AP3B1: variants seen among roughly 807,000 people sequenced by gnomAD.
AP3B1 encodes adaptor related protein complex 3 subunit beta 1.
Under a neutral mutation model 132.5 loss-of-function variants are expected in AP3B1, and 61 were observed. The ratio of observed to expected loss-of-function variants is 0.46; its 90% CI spans 0.37 to 0.57. The LOEUF (loss-of-function observed/expected upper bound fraction) is 0.57. AP3B1 is among the 20% of genes least tolerant of loss of function. AP3B1 has a pLI of 0.00. For synonymous variants in AP3B1, 388 were observed against 438.3 expected (o/e 0.89, Z 1.43); for missense variants, 1,120 against 1,289.4 (o/e 0.87, Z 2.01).
At chr5:78,015,953 A>T (rs982770857) in intron 25 of AP3B1, 1 of 222,054 alleles carries the variant, frequency 4.5e-6, no homozygotes, top group Non-Finnish European at 8.9e-6. Flanking sequence ...TCATTCAAAG[A>T]TCTCTCATTG....
At chr5:78,067,854 T>A (rs1749357080) in intron 22 of AP3B1, among the ~76,000 whole-genome samples, 1 of 149,752 alleles carries the variant, frequency 6.7e-6, no homozygotes, top group African/African-American at 2.5e-5. Flanking sequence ...CTAAAAGAAC[T>A]AGAGAACCAA....
chr5:78,212,247 C>T (rs1203610569), intron 7 of AP3B1, among the ~76,000 whole-genome samples: 4 of 152,108 alleles, frequency 2.6e-5, no homozygotes, highest in Non-Finnish European at 5.9e-5. Context: ...CACCACTGCA[C>T]CCCAGCCTGG....
At chr5:78,222,576 A>G (rs945831685) in intron 6 of AP3B1, 1 of 152,302 alleles carries the variant, frequency 6.6e-6, no homozygotes, top group Non-Finnish European at 1.5e-5. Context: ...AGAACTTGTT[A>G]CATGTTACTA....
intron 2 of AP3B1, among the ~76,000 whole-genome samples, chr5:78,243,670 G>C (rs902037926): frequency 9.2e-5 from 14 of 152,162 alleles, no homozygotes; most frequent in Admixed American, 7.2e-4. Flanking sequence ...GTCAGAAAAG[G>C]CCTTCCTTTT....
At chr5:78,094,786 T>G (rs1028036396) in intron 21 of AP3B1, among the ~76,000 whole-genome samples, 1 of 152,118 alleles carries the variant, frequency 6.6e-6, no homozygotes, top group African/African-American at 2.4e-5. Context: ...GTTTAAGCAA[T>G]TCTCCTGCTG....
chr5:78,028,676 A>C (rs1747443767), intron 24 of AP3B1, among the ~76,000 whole-genome samples: 1 of 152,172 alleles, frequency 6.6e-6, no homozygotes, highest in Non-Finnish European at 1.5e-5. Flanking sequence ...TTATAACTAC[A>C]ACTGATGTCC....
At chr5:78,242,800 T>C (rs994068801) in intron 2 of AP3B1, among the ~76,000 whole-genome samples, 3 of 152,220 alleles carry the variant, frequency 2.0e-5, no homozygotes, top group Admixed American at 6.5e-5. Flanking sequence ...CTATCTGTAT[T>C]CCCATTTTGT....
chr5:78,292,132 T>C (rs910396070), intron 1 of AP3B1, among the ~76,000 whole-genome samples: 7 of 152,122 alleles, frequency 4.6e-5, no homozygotes, highest in Non-Finnish European at 1.0e-4. Context: ...TTCATCAGAG[T>C]AAACCATTAA....
At chr5:78,044,140 G>A (rs533504593) in intron 22 of AP3B1, 8 of 277,360 alleles carry the variant, frequency 2.9e-5, no homozygotes, top group African/African-American at 1.1e-4. Context: ...CAGGCATCTC[G>A]AAAGAAAAAG....
chr5:78,215,290 A>C (rs1361243505), intron 7 of AP3B1, among the ~76,000 whole-genome samples: 2 of 152,088 alleles, frequency 1.3e-5, no homozygotes, highest in African/African-American at 2.4e-5. Flanking sequence ...ACTAGAATGA[A>C]TGTGCTATTC....
At chr5:78,262,254 T>A (rs915890029) in intron 2 of AP3B1, among the ~76,000 whole-genome samples, 2 of 152,218 alleles carry the variant, frequency 1.3e-5, no homozygotes, top group African/African-American at 4.8e-5. Flanking sequence ...TCTACTTTTT[T>A]TTTACTGTTC....
chr5:78,262,402 T>C (rs933178502), intron 2 of AP3B1, among the ~76,000 whole-genome samples: 1 of 152,216 alleles, frequency 6.6e-6, no homozygotes, highest in African/African-American at 2.4e-5. Context: ...TTTTTATTTA[T>C]GGTGTGATAC....
intron 26 of AP3B1, 57 bp downstream of exon 26, chr5:78,015,353 T>C (rs1746812770): frequency 1.3e-6 from 2 of 1,540,246 alleles, no homozygotes; most frequent in African/African-American, 1.4e-5. Flanking sequence ...TTTAAAATTA[T>C]ATATTTATAC....
chr5:78,286,055 TA>T (rs139751993), intron 1 of AP3B1, among the ~76,000 whole-genome samples: 2,198 of 152,210 alleles, frequency 0.014, 51 homozygotes, highest in African/African-American at 0.05. Flanking sequence ...TCAAAGACCT[TA>T]ACAATGATTT....
At chr5:78,286,829 T>G (rs559356816) in intron 1 of AP3B1, among the ~76,000 whole-genome samples, 1 of 152,306 alleles carries the variant, frequency 6.6e-6, no homozygotes, top group East Asian at 1.9e-4. Flanking sequence ...ATCTATTAAG[T>G]CTTTCCAGCT....
chr5:78,141,454 AT>A, intron 14 of AP3B1, 135 bp from the exon 15 acceptor site: 1 of 670,414 alleles, frequency 1.5e-6, no homozygotes, highest in Non-Finnish European at 2.5e-6. Flanking sequence ...TTAATCCTGT[AT>A]TTATGAATTT....
chr5:78,245,487 C>T (rs1480929691), intron 2 of AP3B1, among the ~76,000 whole-genome samples: 2 of 152,172 alleles, frequency 1.3e-5, no homozygotes, highest in Non-Finnish European at 2.9e-5. Context: ...GACTTTCCTC[C>T]TCAGAGGCCT....
intron 15 of AP3B1, among the ~76,000 whole-genome samples, chr5:78,134,094 T>G (rs932964636): frequency 8.6e-5 from 12 of 138,848 alleles, no homozygotes; most frequent in African/African-American, 3.3e-4. Flanking sequence ...GAGCTTGCAG[T>G]GAGCCGAGAT....
chr5:78,007,571 G>C (rs1286761175), intron 26 of AP3B1, among the ~76,000 whole-genome samples: 1 of 152,118 alleles, frequency 6.6e-6, no homozygotes, highest in Non-Finnish European at 1.5e-5. Context: ...GTCCAAAGTT[G>C]ACAAATGTGT....
Sources: gnomAD v4.1 joint callset for allele counts (sites outside exome capture counted in the v4.1 genomes callset) on GRCh38, gnomAD v4.1.1 for gene constraint, MANE v1.5 for transcripts, NCBI Gene and HGNC (gene_info 2026-07-23, HGNC 2026-07-21) for gene names.